CFAP58: variants seen among roughly 807,000 people sequenced by gnomAD.
CFAP58 encodes cilia- and flagella-associated protein 58.
Under a neutral mutation model 119.5 loss-of-function variants are expected in CFAP58, and 88 were observed. The ratio of observed to expected loss-of-function variants is 0.74; its 90% CI spans 0.62 to 0.88. The LOEUF is 0.88. CFAP58 is among the 40% of genes least tolerant of loss of function. CFAP58 has a pLI of 0.00. For missense variants in CFAP58, 990 were observed against 1,021.2 expected (o/e 0.97, Z 0.42); for synonymous variants, 365 against 366.3 (o/e 1.00, Z 0.04).
At chr10:104,432,887 AT>A (rs955827917) in intron 15 of CFAP58, among the ~76,000 whole-genome samples, 1 of 152,224 alleles carries the variant, frequency 6.6e-6, no homozygotes, top group African/African-American at 2.4e-5. Context: ...TAAAGGCTTT[AT>A]AATATAAAAA....
At chr10:104,394,079 G>A (rs1219133570) in intron 11 of CFAP58, among the ~76,000 whole-genome samples, 2 of 152,106 alleles carry the variant, frequency 1.3e-5, no homozygotes, top group African/African-American at 4.8e-5. Context: ...ATCTTACTAA[G>A]ACATACCCTT....
At chr10:104,425,669 G>A (rs752990728) in intron 15 of CFAP58, among the ~76,000 whole-genome samples, 3 of 152,194 alleles carry the variant, frequency 2.0e-5, no homozygotes, top group Non-Finnish European at 2.9e-5. Flanking sequence ...GTATCCCGTG[G>A]CAGAGTCGGG....
intron 8 of CFAP58, among the ~76,000 whole-genome samples, chr10:104,379,011 T>G (rs1438808286): frequency 2.0e-5 from 3 of 151,474 alleles, no homozygotes; most frequent in Non-Finnish European, 4.4e-5. Context: ...TTTAAAAAAC[T>G]GAGTTAATTG....
At chr10:104,353,796 G>A, upstream of CFAP58, 1 of 1,438,702 alleles carries the variant, frequency 7.0e-7, no homozygotes, top group Admixed American at 1.9e-5. Context: ...CGGGGCGGGC[G>A]ATAGAGACAG....
Position 104,450,150 on chromosome 10 carries a change from TC to T in CFAP58, c.2458del (p.Gln820ArgfsTer3). Reference sequence around the variant, plus strand: ...GAGGTAGAGAAACTTACCAATGAGCTCCAGAATTTAAAGAAGAAATACCTCG... The same window carrying T: ...GAGGTAGAGAAACTTACCAATGAGCTCAGAATTTAAAGAAGAAATACCTCG... ...KYEVEKLTNE[L>X]QNLKKKYLAQ... On this transcript the variant is annotated frameshift_variant, in exon 17 of 18. Transcript: ENST00000369704. LOFTEE classifies it high-confidence loss of function. The T allele has an allele frequency of 6.2e-7, 1 of 1,613,568 alleles. No individual in the cohort carries two copies. Among genetic ancestry groups the T allele is most frequent in the Non-Finnish European group, 8.5e-7 (1 of 1,179,736 alleles).
At chr10:104,398,435 T>C (rs149977177) in intron 11 of CFAP58, among the ~76,000 whole-genome samples, 1 of 152,248 alleles carries the variant, frequency 6.6e-6, no homozygotes, top group Non-Finnish European at 1.5e-5. Flanking sequence ...GAGACAGGAG[T>C]AGTTACGCAA....
At chr10:104,400,038 A>G (rs2012234325) in intron 12 of CFAP58, among the ~76,000 whole-genome samples, 1 of 152,246 alleles carries the variant, frequency 6.6e-6, no homozygotes, top group Admixed American at 6.5e-5. Context: ...GGAACTTGGC[A>G]AGAGCTAGCC....
At position 104,454,511 on chromosome 10, in the gene CFAP58, CA is replaced by C. The variant is rs2013249352; in HGVS notation, c.2602del (p.Thr868ProfsTer3). ...GFTGGGFPLR[S>X]TKMTF ...ACTGGGGGCGGATTTCCTCTCAGGT[CA>C]ACCAAAATGACGTTCTAACCTGAAG... is the stretch of plus-strand genomic sequence containing the variant. On this transcript the variant is annotated frameshift_variant, in exon 18 of 18. Transcript: ENST00000369704. LOFTEE classifies it high-confidence loss of function. 6.2e-7 allele frequency: 1 copy of C among 1,613,424 alleles called. No individual in the cohort carries two copies. Among genetic ancestry groups the C allele is most frequent in the African/African-American group, 1.3e-5 (1 of 74,920 alleles).
intron 11 of CFAP58, among the ~76,000 whole-genome samples, chr10:104,397,531 T>C (rs1412658125): frequency 6.6e-6 from 1 of 152,246 alleles, no homozygotes; most frequent in Non-Finnish European, 1.5e-5. Flanking sequence ...AGACAGACCG[T>C]AACTAAAGTT....
chr10:104,379,127 TC>T (rs949327301), intron 8 of CFAP58, among the ~76,000 whole-genome samples: 21 of 151,872 alleles, frequency 1.4e-4, no homozygotes, highest in African/African-American at 5.1e-4. Context: ...GACAATCTCG[TC>T]CCCCCAGAAG....
chr10:104,380,491 GC>G (rs1334224488), intron 9 of CFAP58, among the ~76,000 whole-genome samples: 3 of 151,964 alleles, frequency 2.0e-5, no homozygotes, highest in Admixed American at 6.5e-5. Context: ...CTTCTCTGTT[GC>G]CATGCTGTGC....
Position 104,400,907 on chromosome 10 carries a change from A to G in CFAP58, c.2039+4A>G, listed in dbSNP as rs368828706. On this transcript the variant is annotated splice_donor_region_variant and intron_variant, in intron 13 of 17. Transcript: ENST00000369704. ...TGGCTAATGTTGAAGAACTCAGGTA[A>G]TAGATTATAGAACTCAGGGCTGAAG... 17 of 1,610,328 alleles carry G rather than the reference A, an allele frequency of 1.1e-5. No homozygotes were observed. The highest frequency in any genetic ancestry group is 1.4e-5 in the Non-Finnish European group (17 of 1,176,924).
At chr10:104,427,669 A>G (rs918233693) in intron 15 of CFAP58, among the ~76,000 whole-genome samples, 6 of 152,222 alleles carry the variant, frequency 3.9e-5, no homozygotes, top group Non-Finnish European at 7.3e-5. Context: ...GAAATTCCCT[A>G]CAGAGAATGT....
Position 104,447,789 on chromosome 10 carries a change from C to T in CFAP58, c.2348C>T (p.Thr783Met), listed in dbSNP as rs140537135. 3.3e-5 allele frequency: 53 copies of T among 1,613,688 alleles called. 1 individual carries two copies. In the Middle Eastern group the frequency reaches 2.1e-3, roughly 65 times the overall value. ...GAACAGCTGAAGCTGTACCGACGCA[C>T]GCTGCATGACAAGAAGCAGCAGCTG... Reference protein sequence around the residue: ...AAEQLKLYRRTLHDKKQQLKV... With the variant: ...AAEQLKLYRRMLHDKKQQLKV... The change falls in exon 16 of 18, where the codon ACG becomes ATG. Residue 783 changes from threonine (T) to methionine (M), a missense_variant. Transcript: ENST00000369704.
intron 3 of CFAP58, among the ~76,000 whole-genome samples, chr10:104,364,148 GA>G (rs1327158432): frequency 1.2e-4 from 18 of 152,176 alleles, no homozygotes; most frequent in Admixed American, 7.9e-4. Context: ...TAAATTGATA[GA>G]AAACTAGCAA....
chr10:104,442,215 A>G (rs1415127932), intron 15 of CFAP58, among the ~76,000 whole-genome samples: 1 of 152,098 alleles, frequency 6.6e-6, no homozygotes, highest in Non-Finnish European at 1.5e-5. Context: ...GAAAAGAGTT[A>G]TGTGTGCAAT....
At chr10:104,389,845 A>G (rs960124635) in intron 9 of CFAP58, among the ~76,000 whole-genome samples, 48 of 152,194 alleles carry the variant, frequency 3.2e-4, no homozygotes, top group African/African-American at 1.1e-3. Flanking sequence ...TGAGATTAAA[A>G]AAGAACTAAA....
intron 11 of CFAP58, among the ~76,000 whole-genome samples, chr10:104,397,790 T>C (rs1239059029): frequency 6.6e-6 from 1 of 152,240 alleles, no homozygotes; most frequent in African/African-American, 2.4e-5. Context: ...TGGTCTGTGA[T>C]ATCCATCATG....
chr10:104,399,487 A>G lies in CFAP58; in HGVS notation c.1802A>G (p.Lys601Arg). The change falls in exon 12 of 18, where the codon AAG becomes AGG. Residue 601 changes from lysine (K) to arginine (R), a missense_variant. Physicochemically the swap from Lys to Arg is conservative, Grantham distance 26. Transcript: ENST00000369704. ...GACGGGGAGAGGTTGAGACAGAAGA[A>G]GGAATTAGACCAGGTAGAGCATCTC... ...EADGERLRQK[K>R]ELDQVISERD... 1 of 1,613,684 alleles carries G rather than the reference A, an allele frequency of 6.2e-7. No individual in the cohort carries two copies. Among genetic ancestry groups the G allele is most frequent in the Non-Finnish European group, 8.5e-7 (1 of 1,179,770 alleles).
Sources: gnomAD v4.1 joint callset for allele counts (sites outside exome capture counted in the v4.1 genomes callset) on GRCh38, gnomAD v4.1.1 for gene constraint, MANE v1.5 for transcripts, NCBI Gene and HGNC (gene_info 2026-07-23, HGNC 2026-07-21) for gene names.